Variants in GFRAL observed in about 807,000 individuals in gnomAD.
The protein encoded by GFRAL is GDNF family receptor alpha-like.
A neutral mutation model predicts 45.4 loss-of-function variants in GFRAL; 36 were observed. The observed-to-expected ratio is 0.79, with a 90% CI of 0.61 to 1.05. The LOEUF (loss-of-function observed/expected upper bound fraction) is 1.05, where lower values mean the gene tolerates loss of function less well. GFRAL is among the 50% of genes least tolerant of loss of function. GFRAL has a pLI of 0.00. For synonymous variants in GFRAL, 166 were observed against 154.1 expected, an observed-to-expected ratio of 1.08 and a Z score of -0.57; for missense variants, 507 against 467.5, an observed-to-expected ratio of 1.08 and a Z score of -0.78.
At chr6:55,343,122 A>G (rs963662971) in intron 3 of GFRAL, among the ~76,000 whole-genome samples, 1 of 152,144 alleles carries the variant, frequency 6.6e-6, no homozygotes, top group Non-Finnish European at 1.5e-5. Context: ...GATCAATGAG[A>G]CAGGAAGGTA....
At chr6:55,376,110 G>C (rs1480283850) in intron 6 of GFRAL, among the ~76,000 whole-genome samples, 1 of 152,120 alleles carries the variant, frequency 6.6e-6, no homozygotes, top group Non-Finnish European at 1.5e-5. Flanking sequence ...CAACTATTGA[G>C]ATAATCATGT....
At chr6:55,390,358 C>A (rs563243445) in intron 6 of GFRAL, among the ~76,000 whole-genome samples, 1 of 152,296 alleles carries the variant, frequency 6.6e-6, no homozygotes, top group African/African-American at 2.4e-5. Flanking sequence ...AGATTGATTT[C>A]TAGGTCATGC....
At position 55,359,147 on chromosome 6, in the gene GFRAL, C is replaced by T. The variant is rs1434587282; in HGVS notation, c.952+9C>T. ...TAGAAAATCATGTTTCAGTAAGTTC[C>T]CCAAATAAAATTATCTGTCTATCTA... is the stretch of plus-strand genomic sequence containing the variant. On this transcript the variant is annotated intron_variant, in intron 6 of 8. Transcript: ENST00000340465. 2 of 1,526,242 alleles carry T rather than the reference C, an allele frequency of 1.3e-6. No homozygotes were observed. The highest frequency in any genetic ancestry group is 1.8e-6 in the Non-Finnish European group (2 of 1,119,338). The allele number at this position is 1,526,242 out of a possible 1,614,324, so 94.5% of individuals were successfully genotyped here.
rs558924591 is a variant in GFRAL at position 55,346,283 on chromosome 6, A to T, written c.317-3809A>T. 5.0e-4 allele frequency among the ~76,000 whole-genome samples: 76 copies of T among 152,316 alleles called. 1 individual carries two copies. The South Asian group carries it at 0.011, about 23-fold the overall frequency. On this transcript the variant is annotated intron_variant, in intron 3 of 8. Transcript: ENST00000340465. ...ACTATTCACAATAGCAAAGACTTGGAACCAACCCAAATGTCCATCAATGAT... is the reference window on the plus strand; with the variant it reads ...ACTATTCACAATAGCAAAGACTTGGTACCAACCCAAATGTCCATCAATGAT...
At chr6:55,369,406 C>T (rs539168320) in intron 6 of GFRAL, among the ~76,000 whole-genome samples, 61 of 152,304 alleles carry the variant, frequency 4.0e-4, no homozygotes, top group East Asian at 1.9e-3. Flanking sequence ...CCATCTTCTG[C>T]GTCGCTCAGG....
intron 5 of GFRAL, among the ~76,000 whole-genome samples, chr6:55,354,726 T>C (rs1261360743): frequency 6.6e-6 from 1 of 152,034 alleles, no homozygotes; most frequent in Non-Finnish European, 1.5e-5. Flanking sequence ...ACTTCTTCAA[T>C]GAGAATATTA....
At position 55,366,183 on chromosome 6, in the gene GFRAL, C is replaced by T. The variant is rs932400453; in HGVS notation, c.952+7045C>T. Reference sequence around the variant, plus strand: ...TTTAGTCTTGGGAGAGTGTATGTGTCGAGGAATTTATCCATTTCTTCTAGA... The same window carrying T: ...TTTAGTCTTGGGAGAGTGTATGTGTTGAGGAATTTATCCATTTCTTCTAGA... On this transcript the variant is annotated intron_variant, in intron 6 of 8. Transcript: ENST00000340465. Among the ~76,000 whole-genome samples, 7 of 151,710 alleles carry T rather than the reference C, an allele frequency of 4.6e-5. No individual in the cohort carries two copies. In the East Asian group the frequency reaches 5.8e-4, roughly 13 times the overall value.
chr6:55,397,034 A>G (rs947523760), intron 6 of GFRAL, among the ~76,000 whole-genome samples: 1 of 151,960 alleles, frequency 6.6e-6, no homozygotes, highest in Non-Finnish European at 1.5e-5. Context: ...GTGCACCACC[A>G]TGCCCAGCTA....
intron 6 of GFRAL, among the ~76,000 whole-genome samples, chr6:55,394,241 A>C (rs1768792808): frequency 6.6e-6 from 1 of 152,190 alleles, no homozygotes; most frequent in South Asian, 2.1e-4. Flanking sequence ...ATATGCAAGC[A>C]AAAATATCAA....
chr6:55,377,361 T>A (rs1768549064), intron 6 of GFRAL, among the ~76,000 whole-genome samples: 1 of 151,992 alleles, frequency 6.6e-6, no homozygotes, highest in Non-Finnish European at 1.5e-5. Flanking sequence ...AATAGTTAAT[T>A]TCTGACTCAC....
chr6:55,343,416 C>G (rs958435978), intron 3 of GFRAL, among the ~76,000 whole-genome samples: 1 of 152,068 alleles, frequency 6.6e-6, no homozygotes, highest in Non-Finnish European at 1.5e-5. Context: ...ACAACCTGCT[C>G]GTGAATGACT....
intron 6 of GFRAL, among the ~76,000 whole-genome samples, chr6:55,376,535 C>CTAAA (rs898086308): frequency 1.4e-4 from 22 of 151,812 alleles, no homozygotes; most frequent in African/African-American, 5.1e-4. Context: ...CATTATTGGT[C>CTAAA]TATTTAGAGA....
chr6:55,371,872 TATTC>T (rs1443558722), intron 6 of GFRAL, among the ~76,000 whole-genome samples: 2 of 152,182 alleles, frequency 1.3e-5, no homozygotes, highest in Non-Finnish European at 2.9e-5. Context: ...AAACCCAACT[TATTC>T]ATTAGCACCA....
At position 55,351,467 on chromosome 6, in the gene GFRAL, T is replaced by C. The variant is rs753917304; in HGVS notation, c.585T>C (p.Asp195=). 1.2e-6 allele frequency: 2 copies of C among 1,613,562 alleles called. No individual in the cohort carries two copies. The highest frequency in any genetic ancestry group is 1.7e-6 in the Non-Finnish European group (2 of 1,179,650). ...CTTTTTGTGACTGTGCTCAATCTGATATACCTTGTCAGCAGTCCAAAGAAG... is the reference window on the plus strand; with the variant it reads ...CTTTTTGTGACTGTGCTCAATCTGACATACCTTGTCAGCAGTCCAAAGAAG... The part of the protein sequence containing the change: ...MLAFCDCAQS[D]IPCQQSKEAL... Residue 195 remains aspartate, a synonymous_variant, in exon 5 of 9, where the codon GAT becomes GAC. Coordinates refer to ENST00000340465, the MANE Select transcript of GFRAL (RefSeq NM_207410.2).
rs765641139 is a variant in GFRAL, at chr6:55,399,221, A to G, written c.994A>G (p.Thr332Ala). 5 of 1,607,250 alleles carry G rather than the reference A, an allele frequency of 3.1e-6. No individual in the cohort carries two copies. The East Asian group carries it at 1.1e-4, about 36-fold the overall frequency. ...LSNVKGMALY[T>A]RKHANKITLT... The stretch of plus-strand genomic sequence containing the variant: ...TAATGTCAAAGGCATGGCATTGTAT[A>G]CAAGAAAACATGCAAACAAAATCAC... The change falls in exon 7 of 9, where the codon ACA (threonine) becomes GCA (alanine). Residue 332 changes from threonine to alanine, a missense_variant. Physicochemically the swap from Thr to Ala is moderately conservative, Grantham distance 58. Coordinates refer to ENST00000340465, the MANE Select transcript of GFRAL (RefSeq NM_207410.2).
intron 6 of GFRAL, among the ~76,000 whole-genome samples, chr6:55,366,108 C>T (rs1768358975): frequency 6.6e-6 from 1 of 151,966 alleles, no homozygotes; most frequent in African/African-American, 2.4e-5. Context: ...ATTATTGCCA[C>T]AATTTCAGCT....
At chr6:55,356,236 G>A (rs1208183813) in intron 5 of GFRAL, among the ~76,000 whole-genome samples, 1 of 151,918 alleles carries the variant, frequency 6.6e-6, no homozygotes, top group Non-Finnish European at 1.5e-5. Flanking sequence ...TGGCCTCAAA[G>A]AATGAGTTTG....
At chr6:55,359,697 C>A (rs902303411) in intron 6 of GFRAL, among the ~76,000 whole-genome samples, 1 of 151,926 alleles carries the variant, frequency 6.6e-6, no homozygotes, top group South Asian at 2.1e-4. Context: ...AATATGACAT[C>A]TTCAGCAATA....
chr6:55,379,444 C>A (rs1031722960), intron 6 of GFRAL, among the ~76,000 whole-genome samples: 3 of 151,890 alleles, frequency 2.0e-5, no homozygotes, highest in African/African-American at 7.3e-5. Context: ...CTTACAAAGA[C>A]TATAGTGAAT....
Sources: gnomAD v4.1 joint callset for allele counts (sites outside exome capture counted in the v4.1 genomes callset) on GRCh38, gnomAD v4.1.1 for gene constraint, MANE v1.5 for transcripts, NCBI Gene and HGNC (gene_info 2026-07-23, HGNC 2026-07-21) for gene names.